TNRC6C: variants seen among roughly 807,000 people sequenced by gnomAD.
TNRC6C encodes the protein trinucleotide repeat containing adaptor 6C.
TNRC6C carries 20 observed loss-of-function variants against 153.7 expected under a neutral mutation model. That is an observed-to-expected ratio of 0.13 (90% CI 0.09 to 0.19). The LOEUF is 0.19. TNRC6C is among the 10% of genes least tolerant of loss of function. The pLI, the probability that TNRC6C is intolerant of heterozygous loss-of-function variation, is 1.00. For missense variants in TNRC6C, 1,987 were observed against 2,172.0 expected, an observed-to-expected ratio of 0.91 and a Z score of 1.69; for synonymous variants, 811 against 841.4, an observed-to-expected ratio of 0.96 and a Z score of 0.63.
intron 1 of TNRC6C, among the ~76,000 whole-genome samples, chr17:77,988,170 G>T (rs1398509343): frequency 2.6e-5 from 4 of 152,020 alleles, no homozygotes; most frequent in Non-Finnish European, 5.9e-5. Flanking sequence ...TGGGCAACAG[G>T]GTGAGACTCC....
At chr17:78,093,325 C>G (rs764438023) in intron 15 of TNRC6C, 127 of 702,738 alleles carry the variant, frequency 1.8e-4, no homozygotes, top group Non-Finnish European at 2.8e-4. Flanking sequence ...TTCTGTAAAC[C>G]CTTAGTTCAG....
intron 17 of TNRC6C, among the ~76,000 whole-genome samples, chr17:78,099,412 T>TA: frequency 6.6e-6 from 1 of 152,310 alleles, no homozygotes; most frequent in East Asian, 1.9e-4. Context: ...TTATTGGACT[T>TA]ACAGTTCCAT....
At chr17:78,065,786 T>C (rs2072864123) in intron 4 of TNRC6C, among the ~76,000 whole-genome samples, 1 of 152,168 alleles carries the variant, frequency 6.6e-6, no homozygotes, top group South Asian at 2.1e-4. Flanking sequence ...TTTCCTCCCA[T>C]TTTCTGAAAG....
chr17:78,010,181 G>T (rs888688877), intron 1 of TNRC6C, among the ~76,000 whole-genome samples: 2 of 152,268 alleles, frequency 1.3e-5, no homozygotes, highest in South Asian at 4.1e-4. Context: ...GCCCAAATTC[G>T]TACATTTAAT....
chr17:78,061,639 A>G (rs201743013), intron 3 of TNRC6C, among the ~76,000 whole-genome samples: 1 of 152,194 alleles, frequency 6.6e-6, no homozygotes, highest in African/African-American at 2.4e-5. Context: ...CACACTTAAG[A>G]ACAGCCACTG....
chr17:78,091,687 CTATACTTT>C, intron 14 of TNRC6C, 80 bp downstream of exon 16: 1 of 1,273,264 alleles, frequency 7.9e-7, no homozygotes. Flanking sequence ...CATGGCCATT[CTATACTTT>C]TCTAAGAATT....
At chr17:78,026,557 G>T (rs545579644) in intron 1 of TNRC6C, among the ~76,000 whole-genome samples, 85 of 152,224 alleles carry the variant, frequency 5.6e-4, no homozygotes, top group Non-Finnish European at 1.1e-3. Context: ...TTGATGAAAT[G>T]TGGTGGTTAG....
At chr17:78,039,818 AGCTGTCAAAGG>A (rs2072257721) in intron 2 of TNRC6C, among the ~76,000 whole-genome samples, 1 of 152,258 alleles carries the variant, frequency 6.6e-6, no homozygotes, top group Non-Finnish European at 1.5e-5. Context: ...TGGGCATTTC[AGCTGTCAAAGG>A]GCTGTCCTGA....
upstream of TNRC6C, among the ~76,000 whole-genome samples, chr17:78,004,881 C>A (rs1240948565): frequency 6.6e-6 from 1 of 152,088 alleles, no homozygotes; most frequent in Non-Finnish European, 1.5e-5. Flanking sequence ...GGTATATAAT[C>A]AATGGCATGT....
intron 2 of TNRC6C, among the ~76,000 whole-genome samples, chr17:78,038,718 G>A (rs1320186252): frequency 2.6e-5 from 4 of 151,524 alleles, no homozygotes; most frequent in Admixed American, 2.6e-4. Context: ...TGTAATCAGG[G>A]AAAAGATAAA....
At chr17:78,073,319 C>CTTTTCTCATA (rs2073030398) in intron 7 of TNRC6C, among the ~76,000 whole-genome samples, 1 of 152,200 alleles carries the variant, frequency 6.6e-6, no homozygotes, top group South Asian at 2.1e-4. Context: ...AGCATGTTGG[C>CTTTTCTCATA]TTTTCTCATA....
At chr17:78,054,990 C>T (rs1259710300) in intron 3 of TNRC6C, among the ~76,000 whole-genome samples, 4 of 151,422 alleles carry the variant, frequency 2.6e-5, no homozygotes, top group African/African-American at 9.7e-5. Flanking sequence ...TACCATACAC[C>T]ACTGCGGACT....
exon 5 of TNRC6C, chr17:78,067,769 T>C (rs944195090): frequency 3.7e-6 from 6 of 1,607,474 alleles, no homozygotes; most frequent in Non-Finnish European, 5.1e-6. Context: ...TCAAAATCTA[T>C]GCAAGAAGGC....
At chr17:78,029,443 G>A (rs2072015234) in intron 1 of TNRC6C, among the ~76,000 whole-genome samples, 2 of 152,178 alleles carry the variant, frequency 1.3e-5, no homozygotes, top group South Asian at 4.1e-4. Flanking sequence ...CTAAACATAG[G>A]AAAGGGACAA....
chr17:77,983,427 G>T (rs2071110417), intron 1 of TNRC6C, among the ~76,000 whole-genome samples: 1 of 152,176 alleles, frequency 6.6e-6, no homozygotes, highest in African/African-American at 2.4e-5. Context: ...TACAATGGGG[G>T]CAGGGAGGAG....
At chr17:77,966,468 C>T (rs947313747) in intron 1 of TNRC6C, among the ~76,000 whole-genome samples, 4 of 152,224 alleles carry the variant, frequency 2.6e-5, no homozygotes, top group East Asian at 1.9e-4. Context: ...AAATGATTGA[C>T]GTGGGTTGTT....
chr17:77,959,563 C>G (rs940657587), intron 1 of TNRC6C, among the ~76,000 whole-genome samples: 6 of 152,154 alleles, frequency 3.9e-5, no homozygotes, highest in Admixed American at 1.3e-4. Flanking sequence ...AAAACTCATG[C>G]AGCGGTGAAA....
At chr17:78,051,560 A>T in intron 3 of TNRC6C, 112 bp downstream of exon 5, 1 of 1,172,456 alleles carries the variant, frequency 8.5e-7, no homozygotes, top group Non-Finnish European at 1.1e-6. Context: ...AAATAGCATT[A>T]AAATAATTTA....
intron 1 of TNRC6C, among the ~76,000 whole-genome samples, chr17:77,980,253 C>G (rs577495843): frequency 6.6e-6 from 1 of 152,314 alleles, no homozygotes; most frequent in South Asian, 2.1e-4. Context: ...CCTGCACATC[C>G]TGCGCATGTA....
Sources: allele counts gnomAD v4.1 joint callset (sites outside exome capture counted in the v4.1 genomes callset), GRCh38; gene constraint gnomAD v4.1.1; transcripts MANE v1.5; gene names NCBI Gene and HGNC (gene_info 2026-07-23, HGNC 2026-07-21).